Variants in DISP1 observed in about 807,000 individuals in gnomAD.
DISP1 encodes protein dispatched homolog 1.
DISP1 carries 30 observed loss-of-function variants against 37.3 expected under a neutral mutation model. The ratio of observed to expected loss-of-function variants is 0.80; its 90% CI spans 0.60 to 1.09. The LOEUF is 1.09. Among genes scored for constraint, DISP1 ranks in the 50% least tolerant of loss-of-function variants. DISP1 has a pLI of 0.00. For synonymous variants in DISP1, 634 were observed against 690.2 expected, an observed-to-expected ratio of 0.92 and a Z score of 1.28; for missense variants, 1,598 against 1,879.5, an observed-to-expected ratio of 0.85 and a Z score of 2.77.
intron 5 of DISP1, 95 bp from the exon 6 acceptor site, chr1:222,991,425 A>G (rs538488452): frequency 2.7e-5 from 40 of 1,473,364 alleles, no homozygotes; most frequent in South Asian, 5.7e-5. Flanking sequence ...GTTGAAAGCT[A>G]TATATCACTT....
chr1:222,955,416 A>C (rs1315515967), intron 3 of DISP1, among the ~76,000 whole-genome samples: 1 of 152,140 alleles, frequency 6.6e-6, no homozygotes, highest in African/African-American at 2.4e-5. Context: ...ATAGTCTGCA[A>C]CTTAGGGTTT....
At chr1:222,890,676 C>T (rs1326448499) in intron 1 of DISP1, among the ~76,000 whole-genome samples, 1 of 152,060 alleles carries the variant, frequency 6.6e-6, no homozygotes, top group African/African-American at 2.4e-5. Flanking sequence ...GTTTAAACAG[C>T]AGAAATGTAT....
intron 1 of DISP1, among the ~76,000 whole-genome samples, chr1:222,854,660 T>C (rs966228404): frequency 6.6e-6 from 1 of 152,084 alleles, no homozygotes; most frequent in African/African-American, 2.4e-5. Flanking sequence ...ATGTTAAAGA[T>C]GGTGAACTGG....
At chr1:222,815,974 TTTTAG>T (rs1430536700) in intron 1 of DISP1, among the ~76,000 whole-genome samples, 1 of 152,076 alleles carries the variant, frequency 6.6e-6, no homozygotes, top group Non-Finnish European at 1.5e-5. Flanking sequence ...GGGTTTAGTC[TTTTAG>T]TTTAACCAAT....
Position 222,846,491 on chromosome 1 carries a change from CA to C in DISP1, c.-159+31424del, listed in dbSNP as rs756309930. Among the ~76,000 whole-genome samples the C allele has an allele frequency of 5.2e-3, 731 of 140,680 alleles. 1 individual carries two copies. The highest frequency in any genetic ancestry group is 8.1e-3 in the Non-Finnish European group (523 of 64,412). The allele number at this position is 140,680 out of a possible 152,430, so 92.3% of individuals were successfully genotyped here. On this transcript the variant is annotated intron_variant, in intron 1 of 8. Coordinates refer to ENST00000675850, the MANE Select transcript of DISP1 (RefSeq NM_001377229.1). ...GGGCAACAAGAGTGAAACTCTGTCT[CA>C]AAAAAAAAAAGAGTGAAAGGACAGG...
intron 1 of DISP1, among the ~76,000 whole-genome samples, chr1:222,832,197 G>A (rs1665929318): frequency 6.6e-6 from 1 of 152,092 alleles, no homozygotes; most frequent in African/African-American, 2.4e-5. Flanking sequence ...CTTGAATATG[G>A]GAGGCGGAGG....
chr1:222,918,555 T>A (rs1349965211), intron 1 of DISP1, among the ~76,000 whole-genome samples: 1 of 152,156 alleles, frequency 6.6e-6, no homozygotes, highest in Non-Finnish European at 1.5e-5. Flanking sequence ...ATCGAGGGAT[T>A]TGGAAGTACA....
intron 1 of DISP1, among the ~76,000 whole-genome samples, chr1:222,868,146 G>A (rs1297265310): frequency 1.3e-5 from 2 of 152,046 alleles, no homozygotes; most frequent in Non-Finnish European, 2.9e-5. Flanking sequence ...TACTTGGGAG[G>A]CTGAGGCAGG....
chr1:223,005,453 T>G lies in DISP1; in HGVS notation c.4056T>G (p.Pro1352=). The G allele has an allele frequency of 6.2e-7, 1 of 1,613,648 alleles. No homozygotes were observed. The stretch of plus-strand genomic sequence containing the variant: ...CAGCCGGAATGCAGAATTCTCTGCC[T>G]AGGAATTTTTTCCTCCACCCAGTGC... ...VKPAGMQNSL[P]RNFFLHPVQH... The change falls in exon 9 of 9, where the codon CCT becomes CCG. Residue 1352 remains proline (P), a synonymous_variant. Transcript: ENST00000675850.
intron 3 of DISP1, among the ~76,000 whole-genome samples, chr1:222,977,563 C>A (rs943920114): frequency 1.6e-5 from 2 of 123,062 alleles, no homozygotes; most frequent in Non-Finnish European, 3.3e-5. Flanking sequence ...TACTTTAAGT[C>A]TTAGGTATAT....
At chr1:222,937,563 T>G (rs1468559200) in intron 2 of DISP1, among the ~76,000 whole-genome samples, 1 of 152,210 alleles carries the variant, frequency 6.6e-6, no homozygotes, top group South Asian at 2.1e-4. Context: ...ATGAAATGTA[T>G]ATTTTAAAAT....
At chr1:222,991,023 A>G (rs1026609554) in intron 5 of DISP1, among the ~76,000 whole-genome samples, 1 of 152,214 alleles carries the variant, frequency 6.6e-6, no homozygotes, top group Non-Finnish European at 1.5e-5. Flanking sequence ...CTTCTACAAA[A>G]TTATTCTCAT....
intron 1 of DISP1, among the ~76,000 whole-genome samples, chr1:222,902,995 C>G (rs1238871556): frequency 3.3e-5 from 5 of 151,384 alleles, no homozygotes; most frequent in Admixed American, 6.6e-5. Context: ...TAAAGACACA[C>G]GCACACGTAT....
Position 222,994,983 on chromosome 1 carries a change from G to C in DISP1, c.987+1G>C, listed in dbSNP as rs1678954923. 5.0e-6 allele frequency: 8 copies of C among 1,607,878 alleles called. No homozygotes were observed. Among genetic ancestry groups the C allele is most frequent in the Non-Finnish European group, 6.8e-6 (8 of 1,174,960 alleles). The stretch of plus-strand genomic sequence containing the variant: ...AATGTGCAATGTAGATAATTCCAGG[G>C]TATGTAAGATAAAAACTAAAATCTC... On this transcript the variant is annotated splice_donor_variant, in intron 8 of 8. Coordinates refer to ENST00000675850, the MANE Select transcript of DISP1 (RefSeq NM_001377229.1). LOFTEE classifies it high-confidence loss of function.
intron 1 of DISP1, among the ~76,000 whole-genome samples, chr1:222,881,842 T>A (rs748454561): frequency 6.6e-6 from 1 of 152,216 alleles, no homozygotes; most frequent in African/African-American, 2.4e-5. Flanking sequence ...GATATTCTTA[T>A]ACTAAAAAGA....
At chr1:222,901,255 T>C (rs1298716714) in intron 1 of DISP1, among the ~76,000 whole-genome samples, 1 of 152,022 alleles carries the variant, frequency 6.6e-6, no homozygotes, top group Non-Finnish European at 1.5e-5. Flanking sequence ...TTGTGAGAGA[T>C]TTGAGGAGCC....
chr1:222,875,268 A>T (rs934520057), intron 1 of DISP1, among the ~76,000 whole-genome samples: 21 of 151,402 alleles, frequency 1.4e-4, no homozygotes, highest in Non-Finnish European at 3.1e-4. Context: ...AGCCCAAACC[A>T]CGCCACTGTA....
intron 4 of DISP1, among the ~76,000 whole-genome samples, chr1:222,984,505 T>A (rs1678125742): frequency 6.7e-6 from 1 of 149,222 alleles, no homozygotes; most frequent in Non-Finnish European, 1.5e-5. Flanking sequence ...ATGTTATATA[T>A]AACATAGGTT....
rs186953946 is a variant in DISP1, at chr1:222,883,895, A to G, written c.-158-44535A>G. Among the ~76,000 whole-genome samples the G allele has an allele frequency of 1.4e-3, 216 of 152,374 alleles. 2 individuals carry two copies. Among genetic ancestry groups the G allele is most frequent in the Non-Finnish European group, 2.8e-4 (19 of 68,040 alleles). On this transcript the variant is annotated intron_variant, in intron 1 of 8. Coordinates refer to ENST00000675850, the MANE Select transcript of DISP1 (RefSeq NM_001377229.1). ...CCTGTACAAAAATAGAAGGCATTCC[A>G]TTTATATTTTATAAGGTGAGAGGGG...
Sources: allele counts gnomAD v4.1 joint callset (sites outside exome capture counted in the v4.1 genomes callset), GRCh38; gene constraint gnomAD v4.1.1; transcripts MANE v1.5; gene names NCBI Gene and HGNC (gene_info 2026-07-23, HGNC 2026-07-21).